CNGA3: variants seen among roughly 807,000 people sequenced by gnomAD.
The protein encoded by CNGA3 is cyclic nucleotide gated channel subunit alpha 3.
Under a neutral mutation model 46.6 loss-of-function variants are expected in CNGA3, and 42 were observed. The ratio of observed to expected loss-of-function variants is 0.90; its 90% confidence interval spans 0.70 to 1.17. The LOEUF is 1.17. Ranked by LOEUF, CNGA3 falls within the 50% of genes most tolerant of loss-of-function variation. The pLI is 0.00. For missense variants in CNGA3, 893 were observed against 890.7 expected (o/e 1.00, Z -0.03); for synonymous variants, 394 against 369.4 (o/e 1.07, Z -0.76).
intron 2 of CNGA3, among the ~76,000 whole-genome samples, chr2:98,375,957 G>A (rs779394730): frequency 8.3e-4 from 127 of 152,228 alleles, no homozygotes; most frequent in Non-Finnish European, 1.4e-3. Flanking sequence ...AATGTATGTG[G>A]CTGGCATACA....
At chr2:98,392,677 C>A (rs1692820823) in intron 7 of CNGA3, among the ~76,000 whole-genome samples, 1 of 152,122 alleles carries the variant, frequency 6.6e-6, no homozygotes, top group Non-Finnish European at 1.5e-5. Context: ...CTGGGGTAAG[C>A]AGGAAGGAGA....
At chr2:98,349,716 A>G (rs2106067083) in intron 1 of CNGA3, among the ~76,000 whole-genome samples, 1 of 152,346 alleles carries the variant, frequency 6.6e-6, no homozygotes, top group Non-Finnish European at 1.5e-5. Flanking sequence ...TGTCTAGTCT[A>G]TACACTAGAC....
chr2:98,396,477 G>T lies in CNGA3; in HGVS notation c.1307G>T (p.Arg436Leu). The T allele has an allele frequency of 6.2e-7, 1 of 1,613,996 alleles. No homozygotes were observed. The highest frequency in any genetic ancestry group is 8.5e-7 in the Non-Finnish European group (1 of 1,180,040). Residue 436 changes from arginine to leucine, a missense_variant, in exon 8 of 8, where the codon CGG (arginine) becomes CTG (leucine). Arg to Leu is a moderately radical substitution (Grantham distance 102, BLOSUM62 -2). Around this residue, in one of 3 missense-constraint regions of CNGA3, gnomAD observed 548 missense variants for 570.8 expected, o/e 0.96. Coordinates refer to ENST00000272602, the MANE Select transcript of CNGA3 (RefSeq NM_001298.3). ...FRKVTKDLETRVIRWFDYLWA... is the reference protein window; with the variant it reads ...FRKVTKDLETLVIRWFDYLWA... Reference sequence around the variant, plus strand: ...AAGGTCACCAAGGACTTGGAGACGCGGGTTATCCGGTGGTTTGACTACCTG... The same window carrying T: ...AAGGTCACCAAGGACTTGGAGACGCTGGTTATCCGGTGGTTTGACTACCTG...
rs139857433 is a variant in CNGA3 at position 98,354,059 on chromosome 2, A to T, written c.-38+7525A>T. Among the ~76,000 whole-genome samples, 1,230 of 152,314 alleles carry T rather than the reference A, an allele frequency of 8.1e-3. 9 individuals carry two copies. Among genetic ancestry groups the T allele is most frequent in the Non-Finnish European group, 0.013 (878 of 68,030 alleles). ...AACAGAACATGAGATTTGGGAGGGG[A>T]CATAGATCCAAACCATATCACCTAC... On this transcript the variant is annotated intron_variant, in intron 1 of 7. Coordinates refer to ENST00000272602, the MANE Select transcript of CNGA3 (RefSeq NM_001298.3).
Position 98,396,191 on chromosome 2 carries a change from T to C in CNGA3, c.1021T>C (p.Ser341Pro), listed in dbSNP as rs1227761587. 13 of 1,614,082 alleles carry C rather than the reference T, an allele frequency of 8.1e-6. No individual in the cohort carries two copies. The highest frequency in any genetic ancestry group is 1.7e-5 in the Admixed American group (1 of 60,006). ...GTDSWVYPNI[S>P]IPEHGRLSRK... is the part of the protein sequence containing the mutation. ...AGACTCCTGGGTCTACCCAAACATC[T>C]CAATCCCAGAGCATGGGCGCCTCTC... Residue 341 changes from serine to proline, a missense_variant, in exon 8 of 8, where the codon TCA becomes CCA. Around this residue, in one of 3 missense-constraint regions of CNGA3, gnomAD observed 548 missense variants for 570.8 expected, o/e 0.96. Transcript: ENST00000272602.
chr2:98,378,281 C>A (rs994594966), intron 3 of CNGA3: 1 of 1,468,700 alleles, frequency 6.8e-7, no homozygotes, highest in East Asian at 2.5e-5. Flanking sequence ...AGCTCTGCTT[C>A]CCCCTGATGA....
At chr2:98,371,759 GAA>G (rs1477318367) in intron 2 of CNGA3, among the ~76,000 whole-genome samples, 2 of 152,220 alleles carry the variant, frequency 1.3e-5, no homozygotes, top group African/African-American at 4.8e-5. Flanking sequence ...TTAGGACCTT[GAA>G]ACGTCTGTAT....
chr2:98,372,906 T>A (rs1692319960), intron 2 of CNGA3, among the ~76,000 whole-genome samples: 1 of 152,146 alleles, frequency 6.6e-6, no homozygotes. Flanking sequence ...TCCACTCAGG[T>A]CTCGGCCCCA....
intron 2 of CNGA3, among the ~76,000 whole-genome samples, chr2:98,376,537 T>C (rs1256991202): frequency 6.6e-6 from 1 of 152,060 alleles, no homozygotes; most frequent in East Asian, 1.9e-4. Flanking sequence ...GACCGGGGCA[T>C]GGGAGTGAGC....
intron 1 of CNGA3, chr2:98,347,227 T>G (rs896216101): frequency 6.6e-6 from 1 of 151,998 alleles, no homozygotes; most frequent in African/African-American, 2.4e-5. Context: ...GAGTGCGCGG[T>G]TACTTTTTTT....
chr2:98,390,804 A>G (rs1216492786), intron 6 of CNGA3, among the ~76,000 whole-genome samples: 1 of 152,148 alleles, frequency 6.6e-6, no homozygotes, highest in Non-Finnish European at 1.5e-5. Flanking sequence ...AATGCAGGGT[A>G]CACTGTTGGT....
At chr2:98,358,631 G>T (rs1667352587) in intron 1 of CNGA3, among the ~76,000 whole-genome samples, 1 of 152,150 alleles carries the variant, frequency 6.6e-6, no homozygotes, top group Admixed American at 6.5e-5. Context: ...AAACTTTAGA[G>T]GTAAAAATAC....
intron 1 of CNGA3, among the ~76,000 whole-genome samples, chr2:98,355,219 G>A (rs767865224): frequency 6.6e-6 from 1 of 152,188 alleles, no homozygotes; most frequent in Non-Finnish European, 1.5e-5. Flanking sequence ...GTATTTTGTT[G>A]AGAACTTTTG....
chr2:98,353,152 T>C (rs1034668801), intron 1 of CNGA3, among the ~76,000 whole-genome samples: 1 of 152,148 alleles, frequency 6.6e-6, no homozygotes. Context: ...CTCCAAAATT[T>C]TTTCCAATAT....
chr2:98,352,354 C>T (rs1002488925), intron 1 of CNGA3, among the ~76,000 whole-genome samples: 1 of 152,124 alleles, frequency 6.6e-6, no homozygotes, highest in African/African-American at 2.4e-5. Flanking sequence ...CATTCATGTA[C>T]AAGTTGTTGT....
intron 6 of CNGA3, 66 bp from the exon 7 acceptor site, chr2:98,391,798 A>C: frequency 6.7e-7 from 1 of 1,498,178 alleles, no homozygotes; most frequent in Non-Finnish European, 9.3e-7. Context: ...GCCCGTGCCC[A>C]CAGGTGGGTG....
At position 98,369,858 on chromosome 2, in the gene CNGA3, G is replaced by A. The variant is rs554826234; in HGVS notation, c.-37-81G>A. 1.2e-4 allele frequency: 102 copies of A among 860,754 alleles called. 1 individual carries two copies. In the Middle Eastern group the frequency reaches 2.6e-3, roughly 22 times the overall value. 53.3% of individuals were successfully genotyped at this position (860,754 alleles called of 1,614,324 possible). On this transcript the variant is annotated intron_variant, in intron 1 of 7. Coordinates refer to ENST00000272602, the MANE Select transcript of CNGA3 (RefSeq NM_001298.3). ...CAGGGCTTGCAGGGGGGCCGCGTGC[G>A]GTAGCCCTTGCCCTTGATGAGCTGG...
At chr2:98,387,946 C>A (rs1053163692) in intron 5 of CNGA3, among the ~76,000 whole-genome samples, 1 of 152,190 alleles carries the variant, frequency 6.6e-6, no homozygotes, top group African/African-American at 2.4e-5. Context: ...TACCTCAAAA[C>A]GTCTCCAGTC....
intron 3 of CNGA3, 104 bp from the exon 4 acceptor site, chr2:98,380,071 A>G: frequency 7.4e-7 from 1 of 1,347,118 alleles, no homozygotes; most frequent in Non-Finnish European, 1.0e-6. Context: ...ATCCCTTGAG[A>G]CAGACAGAGA....
Sources: allele counts gnomAD v4.1 joint callset (sites outside exome capture counted in the v4.1 genomes callset), GRCh38; gene constraint gnomAD v4.1.1; regional missense constraint gnomAD v4.1.1; transcripts MANE v1.5; gene names NCBI Gene and HGNC (gene_info 2026-07-23, HGNC 2026-07-21).